The following SUCLG2 variants were observed in gnomAD, a reference collection of about 807,000 sequenced individuals.
SUCLG2 encodes the protein succinate-CoA ligase GDP-forming subunit beta, also known as succinate--CoA ligase [GDP-forming] subunit beta, mitochondrial.
In SUCLG2, 42 loss-of-function variants were observed where a neutral mutation model predicts 47.9. That is an observed-to-expected ratio of 0.88 (90% CI 0.69 to 1.14). The LOEUF is 1.14. SUCLG2 is among the 50% of genes most tolerant of loss of function. The pLI is 0.00. For synonymous variants in SUCLG2, 195 were observed against 197.3 expected (o/e 0.99, Z 0.10); for missense variants, 571 against 525.9 (o/e 1.09, Z -0.84).
intron 1 of SUCLG2, among the ~76,000 whole-genome samples, chr3:67,640,070 G>A (rs1294165750): frequency 2.0e-5 from 3 of 152,192 alleles, no homozygotes; most frequent in Non-Finnish European, 2.9e-5. Context: ...ATTATTTGAG[G>A]TATGAAGTCC....
intron 1 of SUCLG2, among the ~76,000 whole-genome samples, chr3:67,627,647 T>G (rs1359373955): frequency 6.6e-6 from 1 of 152,244 alleles, no homozygotes. Flanking sequence ...TGGGGCACAC[T>G]ATAGGGAGAC....
At chr3:67,529,410 C>A (rs1706342581) in intron 2 of SUCLG2, among the ~76,000 whole-genome samples, 1 of 152,156 alleles carries the variant, frequency 6.6e-6, no homozygotes. Flanking sequence ...CCAGTTTAAT[C>A]ATCTAATACT....
intron 1 of SUCLG2, among the ~76,000 whole-genome samples, chr3:67,614,506 T>A (rs1463233): frequency 0.49 from 73,689 of 151,168 alleles, 18,864 homozygotes; most frequent in African/African-American, 0.64. Context: ...TGTCCATCCA[T>A]CTCTGTGTTG....
At chr3:67,563,744 G>A (rs997362183) in intron 2 of SUCLG2, among the ~76,000 whole-genome samples, 2 of 152,092 alleles carry the variant, frequency 1.3e-5, no homozygotes, top group South Asian at 2.1e-4. Context: ...CAGATCACAA[G>A]GTCAGGAGAT....
At chr3:67,544,526 C>A (rs1311733586) in intron 2 of SUCLG2, among the ~76,000 whole-genome samples, 1 of 152,136 alleles carries the variant, frequency 6.6e-6, no homozygotes, top group Non-Finnish European at 1.5e-5. Flanking sequence ...TGAGGCCTCC[C>A]CAGCCACGCG....
chr3:67,614,170 T>G (rs1700582798), intron 1 of SUCLG2, among the ~76,000 whole-genome samples: 2 of 152,166 alleles, frequency 1.3e-5, no homozygotes, highest in Admixed American at 6.5e-5. Context: ...GAATGGAGTA[T>G]AAAGATCATC....
chr3:67,613,510 G>A (rs558130119), intron 1 of SUCLG2, among the ~76,000 whole-genome samples: 11 of 152,172 alleles, frequency 7.2e-5, no homozygotes, highest in African/African-American at 2.2e-4. Context: ...CTACCCCATC[G>A]AAGTTTGCCC....
chr3:67,374,623 T>G, downstream of SUCLG2: 1 of 365,940 alleles, frequency 2.7e-6, no homozygotes, highest in Non-Finnish European at 3.8e-6. Flanking sequence ...TTATCAAATT[T>G]TAGAGGCATA....
intron 9 of SUCLG2, among the ~76,000 whole-genome samples, chr3:67,414,379 T>A (rs1033704702): frequency 6.6e-6 from 1 of 152,188 alleles, no homozygotes; most frequent in Non-Finnish European, 1.5e-5. Flanking sequence ...TACATTGATG[T>A]TGGGGGTACT....
intron 2 of SUCLG2, among the ~76,000 whole-genome samples, chr3:67,606,157 A>T: frequency 6.6e-6 from 1 of 152,176 alleles, no homozygotes; most frequent in Admixed American, 6.5e-5. Context: ...CTGAACTATG[A>T]TTACACCACT....
At chr3:67,465,084 GA>G (rs1465701072) in intron 9 of SUCLG2, among the ~76,000 whole-genome samples, 2 of 152,320 alleles carry the variant, frequency 1.3e-5, no homozygotes, top group East Asian at 1.9e-4. Flanking sequence ...GAGGCATGGA[GA>G]AAAAGTAGGT....
At chr3:67,412,892 C>G (rs1261831409) in intron 9 of SUCLG2, among the ~76,000 whole-genome samples, 23 of 152,084 alleles carry the variant, frequency 1.5e-4, no homozygotes. Flanking sequence ...TTTGACCAAC[C>G]CAGCTTGCTC....
intron 1 of SUCLG2, among the ~76,000 whole-genome samples, chr3:67,612,166 C>T (rs551235311): frequency 2.0e-5 from 3 of 152,222 alleles, no homozygotes; most frequent in East Asian, 1.9e-4. Flanking sequence ...CAAGACTAGC[C>T]TGGGCAACAT....
rs776379977 is a variant in SUCLG2 at position 67,537,200 on chromosome 3, C to T, written c.227-8014G>A. Reference sequence around the variant, plus strand: ...TAATTTTCTGTTATTTAAATCCGTTCCCCTCTCAGACCCTCCCCTACCCCC... The same window carrying T: ...TAATTTTCTGTTATTTAAATCCGTTTCCCTCTCAGACCCTCCCCTACCCCC... On this transcript the variant is annotated intron_variant, in intron 2 of 10. Coordinates refer to ENST00000307227, the MANE Select transcript of SUCLG2 (RefSeq NM_003848.4). Among the ~76,000 whole-genome samples the T allele has an allele frequency of 6.4e-4, 97 of 151,818 alleles. 1 individual carries two copies. Among genetic ancestry groups the T allele is most frequent in the Middle Eastern group, 6.8e-3 (2 of 294 alleles).
Position 67,609,593 on chromosome 3 carries a change from C to G in SUCLG2, c.88G>C (p.Val30Leu). ...AGCCATCTTCTGGAGGTTAATTGAA[C>G]TGCCTACAGAAATTGAAGGAGAGAG... Reference protein sequence around the residue: ...PRFLAAGSQAVQLTSRRWLNL... With the variant: ...PRFLAAGSQALQLTSRRWLNL... Residue 30 changes from valine (V) to leucine (L), a missense_variant, in exon 2 of 11, where the codon GTT becomes CTT. Transcript: ENST00000307227. The G allele has an allele frequency of 6.2e-7, 1 of 1,613,012 alleles. No homozygotes were observed. The highest frequency in any genetic ancestry group is 8.5e-7 in the Non-Finnish European group (1 of 1,179,686).
chr3:67,466,569 T>C (rs1704478325), intron 9 of SUCLG2, among the ~76,000 whole-genome samples: 1 of 152,208 alleles, frequency 6.6e-6, no homozygotes, highest in Admixed American at 6.5e-5. Context: ...TAATCTGATG[T>C]TGTGCTATTA....
intron 9 of SUCLG2, among the ~76,000 whole-genome samples, chr3:67,489,378 G>A (rs1705149090): frequency 6.6e-6 from 1 of 152,136 alleles, no homozygotes; most frequent in African/African-American, 2.4e-5. Context: ...TATGCAGAGT[G>A]ACTTCCCTAA....
intron 9 of SUCLG2, among the ~76,000 whole-genome samples, chr3:67,425,375 C>A (rs1258677377): frequency 1.3e-5 from 2 of 152,076 alleles, no homozygotes; most frequent in African/African-American, 4.8e-5. Flanking sequence ...AATGGGATAT[C>A]CGGATATCTG....
At position 67,360,638 on chromosome 3, in the gene SUCLG2, A is replaced by ACCTTTAACATAAATCTTTAACAT; in HGVS notation, c.1313_1314insATGTTAAAGATTTATGTTAAAGG (p.Phe438LeufsTer3). ...TTAGCAAAGTAAATCTTTAACATAAAAAAATGCTGATGGCACACTTACTCA... is the reference window on the plus strand; with the variant it reads ...TTAGCAAAGTAAATCTTTAACATAAACCTTTAACATAAATCTTTAACATAAAATGCTGATGGCACACTTACTCA... On this transcript the variant is annotated stop_gained and frameshift_variant, in exon 11 of 11. Transcript: ENST00000493112. LOFTEE classifies it high-confidence loss of function. The ACCTTTAACATAAATCTTTAACAT allele has an allele frequency of 1.3e-6, 2 of 1,508,530 alleles. No individual in the cohort carries two copies. Among genetic ancestry groups the ACCTTTAACATAAATCTTTAACAT allele is most frequent in the Non-Finnish European group, 1.8e-6 (2 of 1,131,886 alleles). 93.4% of individuals were successfully genotyped at this position (1,508,530 alleles called of 1,614,324 possible).
Sources: allele counts gnomAD v4.1 joint callset (sites outside exome capture counted in the v4.1 genomes callset), GRCh38; gene constraint gnomAD v4.1.1; transcripts MANE v1.5; gene names NCBI Gene and HGNC (gene_info 2026-07-23, HGNC 2026-07-21).